Variants in DACH2 observed in about 807,000 individuals in gnomAD.
The protein encoded by DACH2 is dachshund homolog 2.
DACH2 carries 17 observed loss-of-function variants against 35.8 expected under a neutral mutation model. That is an observed-to-expected ratio of 0.48 (90% CI 0.33 to 0.71). The LOEUF is 0.71. Among genes scored for constraint, DACH2 ranks in the 30% least tolerant of loss-of-function variants. The pLI, the probability that DACH2 is intolerant of heterozygous loss-of-function variation, is 0.02. For synonymous variants in DACH2, 195 were observed against 177.3 expected, an observed-to-expected ratio of 1.10 and a Z score of -0.79; for missense variants, 469 against 472.7, an observed-to-expected ratio of 0.99 and a Z score of 0.07.
chrX:86,581,623 G>GA (rs368420878), intron 3 of DACH2, among the ~76,000 whole-genome samples: 13 of 107,934 alleles, frequency 1.2e-4, no homozygotes, highest in Admixed American at 2.9e-4. Flanking sequence ...ACAACAAAAA[G>GA]AAAAAAAAAT....
intron 2 of DACH2, among the ~76,000 whole-genome samples, chrX:86,442,158 G>T: frequency 9.1e-6 from 1 of 110,049 alleles, no homozygotes; most frequent in Admixed American, 9.8e-5. Flanking sequence ...ATGGGTCACT[G>T]CACCCAGCCT....
intron 2 of DACH2, among the ~76,000 whole-genome samples, chrX:86,506,130 G>C (rs1469746519): frequency 9.0e-6 from 1 of 111,687 alleles, no homozygotes; most frequent in Non-Finnish European, 1.9e-5. Context: ...TTTTCTTCTA[G>C]GGTCTTACAA....
chrX:86,460,700 C>G (rs776187120), intron 2 of DACH2, among the ~76,000 whole-genome samples: 2 of 110,441 alleles, frequency 1.8e-5, no homozygotes, highest in Non-Finnish European at 3.8e-5. Flanking sequence ...TAAATTTTTT[C>G]AAGAAATCAC....
At chrX:86,797,318 A>AAT (rs1331369374) in intron 7 of DACH2, among the ~76,000 whole-genome samples, 1 of 110,308 alleles carries the variant, frequency 9.1e-6, no homozygotes, top group African/African-American at 3.3e-5. Context: ...GTATATATAT[A>AAT]ATATATATTT....
At chrX:86,422,587 T>G (rs1211727529) in intron 2 of DACH2, among the ~76,000 whole-genome samples, 2 of 110,819 alleles carry the variant, frequency 1.8e-5, no homozygotes, top group African/African-American at 6.5e-5. Flanking sequence ...ACATGGAATG[T>G]TTTGATACAG....
At chrX:86,372,758 T>C (rs191368695) in intron 1 of DACH2, among the ~76,000 whole-genome samples, 1 of 111,208 alleles carries the variant, frequency 9.0e-6, no homozygotes, top group African/African-American at 3.3e-5. Flanking sequence ...GAGGTGTGAA[T>C]GATCCTGTCA....
intron 1 of DACH2, among the ~76,000 whole-genome samples, chrX:86,346,767 C>A (rs750215124): frequency 4.5e-5 from 5 of 111,672 alleles, no homozygotes; most frequent in South Asian, 3.7e-4. Context: ...TGCACTGAAA[C>A]CTTACGGAAG....
At chrX:86,633,051 C>T (rs905614337) in intron 3 of DACH2, among the ~76,000 whole-genome samples, 1 of 108,620 alleles carries the variant, frequency 9.2e-6, no homozygotes, top group Non-Finnish European at 1.9e-5. Context: ...AAACCAAACT[C>T]CCAACCCAAA....
chrX:86,242,196 T>C (rs2033179978), intron 1 of DACH2, among the ~76,000 whole-genome samples: 1 of 112,418 alleles, frequency 8.9e-6, no homozygotes, highest in East Asian at 2.8e-4. Context: ...AAGCTGCAGG[T>C]ACTCATTGCC....
chrX:86,511,710 G>A (rs1253943575), intron 2 of DACH2, among the ~76,000 whole-genome samples: 1 of 111,619 alleles, frequency 9.0e-6, no homozygotes, highest in Non-Finnish European at 1.9e-5. Context: ...TTTACTAGAT[G>A]ACTGAATAAG....
chrX:86,612,803 C>T (rs181183272), intron 3 of DACH2, among the ~76,000 whole-genome samples: 20 of 112,483 alleles, frequency 1.8e-4, no homozygotes, highest in Non-Finnish European at 3.4e-4. Flanking sequence ...TATGAGTGTA[C>T]TTTTTGTGTA....
Position 86,618,516 on chromosome X carries a change from C to T in DACH2, c.641-32520C>T, listed in dbSNP as rs1231798223. ...CATAATATAGACTTATCGACATAAT[C>T]TAAGCCTAGAGTGTACTACTTTGTA... On this transcript the variant is annotated intron_variant, in intron 3 of 11. Coordinates refer to ENST00000373125, the MANE Select transcript of DACH2 (RefSeq NM_053281.3). Among the ~76,000 whole-genome samples the T allele has an allele frequency of 6.3e-5, 7 of 111,616 alleles. No individual in the cohort carries two copies. The East Asian group carries it at 1.7e-3, about 27-fold the overall frequency.
chrX:86,583,797 A>T (rs917704070), intron 3 of DACH2, among the ~76,000 whole-genome samples: 3 of 109,823 alleles, frequency 2.7e-5, no homozygotes, highest in African/African-American at 9.9e-5. Flanking sequence ...GTGTGTGTGT[A>T]TGTATATATT....
chrX:86,402,071 C>G (rs936914173), intron 2 of DACH2, among the ~76,000 whole-genome samples: 1 of 111,932 alleles, frequency 8.9e-6, no homozygotes, highest in Non-Finnish European at 1.9e-5. Flanking sequence ...AACCCACAGG[C>G]AGTATCATAC....
intron 2 of DACH2, among the ~76,000 whole-genome samples, chrX:86,458,069 A>G (rs1255791390): frequency 1.8e-5 from 2 of 111,844 alleles, no homozygotes; most frequent in Non-Finnish European, 3.8e-5. Context: ...GTTTTGGGAA[A>G]TCTGATTGAG....
intron 2 of DACH2, among the ~76,000 whole-genome samples, chrX:86,381,370 T>G (rs1458329385): frequency 9.0e-6 from 1 of 111,473 alleles, no homozygotes. Flanking sequence ...TTACAGATAC[T>G]ATTTTTGTCA....
chrX:86,449,083 G>A (rs1285734929), intron 2 of DACH2, among the ~76,000 whole-genome samples: 2 of 12,868 alleles, frequency 1.6e-4, no homozygotes, highest in Admixed American at 9.4e-4. Context: ...GTTTATTTGC[G>A]TAGAGGTGTT....
intron 1 of DACH2, among the ~76,000 whole-genome samples, chrX:86,367,509 C>G (rs1344957895): frequency 4.5e-5 from 5 of 111,638 alleles, no homozygotes; most frequent in Non-Finnish European, 9.4e-5. Context: ...TGTAATCTAC[C>G]TATATTGTAG....
At chrX:86,745,261 A>G (rs952731040) in intron 7 of DACH2, among the ~76,000 whole-genome samples, 7 of 111,442 alleles carry the variant, frequency 6.3e-5, no homozygotes, top group African/African-American at 2.3e-4. Flanking sequence ...AAGCATTGTC[A>G]TATTTCTTTT....
Sources: gnomAD v4.1 joint callset for allele counts (sites outside exome capture counted in the v4.1 genomes callset) on GRCh38, gnomAD v4.1.1 for gene constraint, MANE v1.5 for transcripts, NCBI Gene and HGNC (gene_info 2026-07-23, HGNC 2026-07-21) for gene names.